MIAT: variants seen among roughly 807,000 people sequenced by gnomAD.
MIAT encodes MI related novel mRNA.
intron 2 of MIAT, among the ~76,000 whole-genome samples, chr22:26,659,784 A>AC (rs1469557467): frequency 1.4e-5 from 1 of 72,864 alleles, no homozygotes; most frequent in Non-Finnish European, 3.1e-5. Flanking sequence ...TTTAGAAAAG[A>AC]CAAAAAAAAA....
downstream of MIAT, chr22:26,671,675 C>T: frequency 5.0e-6 from 2 of 398,630 alleles, no homozygotes; most frequent in Non-Finnish European, 4.4e-6. Context: ...AAATAAGACT[C>T]ACCAACTCTG....
intron 2 of MIAT, among the ~76,000 whole-genome samples, chr22:26,659,498 C>A (rs1930579459): frequency 6.6e-6 from 1 of 152,046 alleles, no homozygotes; most frequent in African/African-American, 2.4e-5. Flanking sequence ...ACCATAACCC[C>A]TTACCGCCAG....
At chr22:26,668,242 G>T in exon 6 of MIAT, 1 of 398,664 alleles carries the variant, frequency 2.5e-6, no homozygotes, top group South Asian at 1.3e-4. Context: ...TGGCCACAGT[G>T]ACTTAGCGGT....
intron 2 of MIAT, chr22:26,657,365 G>A (rs923725795): frequency 1.0e-5 from 4 of 396,976 alleles, no homozygotes; most frequent in Admixed American, 4.4e-5. Flanking sequence ...GTAAGGAGGG[G>A]TTGGGTGTGA....
chr22:26,663,488 C>T (rs1930741697), intron 3 of MIAT: 1 of 396,830 alleles, frequency 2.5e-6, no homozygotes, highest in Admixed American at 4.4e-5. Flanking sequence ...TCCGTATGTC[C>T]TGAGACCTCC....
intron 2 of MIAT, among the ~76,000 whole-genome samples, chr22:26,654,914 G>A (rs574361265): frequency 1.3e-5 from 2 of 152,136 alleles, no homozygotes; most frequent in South Asian, 2.1e-4. Context: ...GGGTTTCACC[G>A]TATTAGCCAG....
chr22:26,667,626 A>G (rs5997113), intron 5 of MIAT: 4,189 of 168,438 alleles, frequency 0.025, 178 homozygotes, highest in African/African-American at 0.14. Flanking sequence ...CCCTGAGCTA[A>G]CCCTGCCTGG....
downstream of MIAT, chr22:26,673,082 T>C (rs965182890): frequency 3.0e-5 from 12 of 398,030 alleles, no homozygotes; most frequent in Non-Finnish European, 5.3e-5. Flanking sequence ...TGAAAAGGGG[T>C]GTGGGGAGGG....
At chr22:26,659,202 G>A (rs80209891) in intron 2 of MIAT, among the ~76,000 whole-genome samples, 12 of 152,150 alleles carry the variant, frequency 7.9e-5, no homozygotes, top group African/African-American at 2.7e-4. Flanking sequence ...CCCCCACCTC[G>A]CCCCTCAACT....
chr22:26,672,625 T>C (rs1931090700), downstream of MIAT: 1 of 399,070 alleles, frequency 2.5e-6, no homozygotes, highest in Admixed American at 4.4e-5. Flanking sequence ...CATTGTTAAG[T>C]GACGGGGATA....
At chr22:26,671,785 T>G (rs1459750440), downstream of MIAT, 6 of 397,790 alleles carry the variant, frequency 1.5e-5, no homozygotes, top group Non-Finnish European at 2.7e-5. Context: ...CAGGTTGCAG[T>G]GAGGATTCCC....
intron 2 of MIAT, among the ~76,000 whole-genome samples, chr22:26,649,121 C>G (rs1293236623): frequency 6.6e-6 from 1 of 152,066 alleles, no homozygotes; most frequent in Non-Finnish European, 1.5e-5. Flanking sequence ...TGTGACAGGG[C>G]CATGTGTTTT....
At chr22:26,669,840 T>G (rs1930981051), downstream of MIAT, 1 of 398,728 alleles carries the variant, frequency 2.5e-6, no homozygotes, top group African/African-American at 2.1e-5. Flanking sequence ...GCGGAGGCCC[T>G]GGGAGAGCCG....
downstream of MIAT, chr22:26,674,374 A>C (rs1275585335): frequency 8.5e-5 from 34 of 398,884 alleles, no homozygotes; most frequent in Admixed American, 4.4e-5. Context: ...AAAAGGTGGC[A>C]CTAGTTCAAG....
At chr22:26,655,517 G>T (rs1341166682) in intron 2 of MIAT, among the ~76,000 whole-genome samples, 3 of 152,166 alleles carry the variant, frequency 2.0e-5, no homozygotes, top group Admixed American at 6.6e-5. Context: ...CCCTTACTAG[G>T]TGCCAGCAAC....
downstream of MIAT, chr22:26,673,047 A>G: frequency 2.5e-6 from 1 of 398,626 alleles, no homozygotes; most frequent in Non-Finnish European, 4.4e-6. Context: ...CATTCCCGGA[A>G]GCTAGAGGGC....
At chr22:26,669,083 G>A in exon 6 of MIAT, 1 of 398,662 alleles carries the variant, frequency 2.5e-6, no homozygotes, top group Non-Finnish European at 4.4e-6. Context: ...ACTGCTCCTG[G>A]ATTCTGTTCT....
intron 3 of MIAT, among the ~76,000 whole-genome samples, chr22:26,664,557 G>A (rs978926739): frequency 6.6e-6 from 1 of 152,010 alleles, no homozygotes; most frequent in Non-Finnish European, 1.5e-5. Context: ...TTCTCATCTC[G>A]GTAGATTTTC....
rs1930859328 is a variant in MIAT, at chr22:26,666,758, G to A, written n.1957G>A. 2.5e-5 allele frequency: 10 copies of A among 398,756 alleles called. No homozygotes were observed. In the South Asian group the frequency reaches 1.3e-3, roughly 51 times the overall value. 24.7% of individuals were successfully genotyped at this position (398,756 alleles called of 1,614,324 possible). A position where few individuals can be genotyped will look rare whatever the true frequency, so the allele number is the denominator to read the frequency against. On this transcript the variant is annotated non_coding_transcript_exon_variant, in exon 4 of 6. Coordinates refer to ENST00000643270, the Ensembl canonical transcript of MIAT. ...CTGGGCCCAGCCTCCCTGGCTCCTG[G>A]TCCTTCTTTCTTCAGCAGGGAGTTC...
Sources: gnomAD v4.1 joint callset for allele counts (sites outside exome capture counted in the v4.1 genomes callset) on GRCh38, gnomAD v4.1.1 for gene constraint, MANE v1.5 for transcripts, NCBI Gene and HGNC (gene_info 2026-07-23, HGNC 2026-07-21) for gene names.